Variants in KMT2E observed in about 807,000 individuals in gnomAD.
KMT2E encodes lysine methyltransferase 2E (inactive), also known as histone reader KMT2E.
A neutral mutation model predicts 184.6 loss-of-function variants in KMT2E; 30 were observed. That is an observed-to-expected ratio of 0.16 (90% CI 0.12 to 0.22). KMT2E has a LOEUF of 0.22. KMT2E is among the 10% of genes least tolerant of loss of function. KMT2E has a pLI of 1.00. For synonymous variants in KMT2E, 815 were observed against 776.5 expected (o/e 1.05, Z -0.82); for missense variants, 2,023 against 2,237.4 (o/e 0.90, Z 1.93).
chr7:105,081,369 G>C (rs1362267740), intron 12 of KMT2E, among the ~76,000 whole-genome samples: 1 of 151,898 alleles, frequency 6.6e-6, no homozygotes, highest in Non-Finnish European at 1.5e-5. Flanking sequence ...GGGCGAAAGT[G>C]TGAGACTCGT....
intron 1 of KMT2E, among the ~76,000 whole-genome samples, chr7:105,017,111 G>A (rs1384501829): frequency 2.0e-5 from 3 of 152,094 alleles, no homozygotes; most frequent in African/African-American, 7.2e-5. Context: ...TTAAAGGCTG[G>A]GTGATTAAGG....
Position 105,105,351 on chromosome 7 carries a change from A to G in KMT2E, c.2197-88A>G. On this transcript the variant is annotated intron_variant, in intron 17 of 26. Coordinates refer to ENST00000311117, the MANE Select transcript of KMT2E (RefSeq NM_182931.3). Reference sequence around the variant, plus strand: ...ATTACCCAATTTATCATTTTAGATAATACACCAATTTCAAATCTGGTATTA... The same window carrying G: ...ATTACCCAATTTATCATTTTAGATAGTACACCAATTTCAAATCTGGTATTA... 9 of 946,654 alleles carry G rather than the reference A, an allele frequency of 9.5e-6. No individual in the cohort carries two copies. In the South Asian group the frequency reaches 1.3e-4, roughly 13 times the overall value. The allele number at this position is 946,654 out of a possible 1,614,324, so 58.6% of individuals were successfully genotyped here. A position where few individuals can be genotyped will look rare whatever the true frequency, so the allele number is the denominator to read the frequency against.
intron 14 of KMT2E, 131 bp downstream of exon 14, chr7:105,090,404 T>C (rs1798153090): frequency 9.6e-7 from 1 of 1,043,198 alleles, no homozygotes; most frequent in Non-Finnish European, 1.3e-6. Context: ...AATGAAGTAT[T>C]CATAAGTGTA....
At chr7:105,039,826 T>A (rs988701455) in intron 2 of KMT2E, among the ~76,000 whole-genome samples, 1 of 152,294 alleles carries the variant, frequency 6.6e-6, no homozygotes, top group East Asian at 1.9e-4. Flanking sequence ...GTTTTCTAAT[T>A]TATAGGATTA....
chr7:105,094,461 G>C (rs1255461149), intron 15 of KMT2E, among the ~76,000 whole-genome samples: 2 of 152,086 alleles, frequency 1.3e-5, no homozygotes, highest in Non-Finnish European at 2.9e-5. Context: ...TGGAATATTT[G>C]CATTGCACTT....
Position 105,111,912 on chromosome 7 carries a change from G to A in KMT2E, c.4156G>A (p.Ala1386Thr), listed in dbSNP as rs759011440. 5.0e-6 allele frequency: 8 copies of A among 1,614,028 alleles called. No individual in the cohort carries two copies. Among genetic ancestry groups the A allele is most frequent in the East Asian group, 2.2e-5 (1 of 44,886 alleles). Residue 1386 changes from alanine to threonine, a missense_variant, in exon 27 of 27, where the codon GCA (alanine) becomes ACA (threonine). Coordinates refer to ENST00000311117, the MANE Select transcript of KMT2E (RefSeq NM_182931.3). ...TCCCCAATGGGACTCCACAGTTAGT[G>A]CATCCGAAGCTGAAAATGGTGTTCA... ...PDPQWDSTVS[A>T]SEAENGVHLK...
chr7:105,094,722 C>T (rs1306117133), intron 15 of KMT2E, among the ~76,000 whole-genome samples: 1 of 152,148 alleles, frequency 6.6e-6, no homozygotes, highest in Non-Finnish European at 1.5e-5. Flanking sequence ...TTTGCTTTCC[C>T]AGGTTTCAGT....
At position 105,109,194 on chromosome 7, in the gene KMT2E, A is replaced by G. The variant is rs1481045868; in HGVS notation, c.3721A>G (p.Thr1241Ala). The G allele has an allele frequency of 6.2e-7, 1 of 1,614,012 alleles. No individual in the cohort carries two copies. The highest frequency in any genetic ancestry group is 2.2e-5 in the East Asian group (1 of 44,834). ...CAATAACTGCCCTGTTAAGGATGCT[A>G]CTGCTAGTGAGAAGAATGAACCAGA... is the stretch of plus-strand genomic sequence containing the variant. ...TSNNCPVKDA[T>A]ASEKNEPEVQ... The change falls in exon 23 of 27, where the codon ACT becomes GCT. Residue 1241 changes from threonine (T) to alanine (A), a missense_variant. Around this residue, in one of 8 missense-constraint regions of KMT2E, gnomAD observed 1,108 missense variants for 1,050.9 expected, o/e 1.05. Transcript: ENST00000311117.
chr7:105,105,613 A>G lies in KMT2E; in HGVS notation c.2371A>G (p.Ile791Val). 1.9e-6 allele frequency: 3 copies of G among 1,613,466 alleles called. No individual in the cohort carries two copies. The highest frequency in any genetic ancestry group is 2.5e-6 in the Non-Finnish European group (3 of 1,179,550). ...PHVYSTPKHY[I>V]RFTSPFLSEK... ...TGTATACTCCACTCCTAAGCATTAT[A>G]TTAGATTTACTTCACCATTCCTTTC... Residue 791 changes from isoleucine (I) to valine (V), a missense_variant, in exon 18 of 27, where the codon ATT (isoleucine) becomes GTT (valine). Ile to Val is a conservative substitution (Grantham distance 29, BLOSUM62 3). Transcript: ENST00000311117.
At chr7:105,110,696 T>A in intron 25 of KMT2E, 75 bp from the exon 26 acceptor site, 1 of 1,581,226 alleles carries the variant, frequency 6.3e-7, no homozygotes, top group Non-Finnish European at 8.7e-7. Context: ...TAGTAGAATG[T>A]ATGTTGCTTT....
At chr7:105,039,635 T>C (rs1795800111) in intron 2 of KMT2E, among the ~76,000 whole-genome samples, 3 of 152,196 alleles carry the variant, frequency 2.0e-5, no homozygotes, top group African/African-American at 7.2e-5. Context: ...TAATAACATG[T>C]TAATAGTGGT....
chr7:105,064,479 C>T (rs919392886), intron 5 of KMT2E, among the ~76,000 whole-genome samples: 26 of 151,964 alleles, frequency 1.7e-4, no homozygotes, highest in African/African-American at 4.8e-5. Context: ...ATATTATCCC[C>T]ATCTATTAGA....
chr7:105,096,747 A>G (rs1009622519), intron 15 of KMT2E, among the ~76,000 whole-genome samples: 5 of 152,244 alleles, frequency 3.3e-5, no homozygotes, highest in African/African-American at 1.2e-4. Flanking sequence ...ATACAGGCCC[A>G]TGAATGTGAA....
intron 3 of KMT2E, among the ~76,000 whole-genome samples, chr7:105,052,725 A>AT (rs77486037): frequency 3.2e-4 from 48 of 147,908 alleles, no homozygotes; most frequent in African/African-American, 5.5e-4. Context: ...CACCCAGCTA[A>AT]TTTTTTTTTT....
At chr7:105,068,416 TC>T (rs1797133053) in intron 6 of KMT2E, among the ~76,000 whole-genome samples, 1 of 152,112 alleles carries the variant, frequency 6.6e-6, no homozygotes, top group African/African-American at 2.4e-5. Flanking sequence ...ATTCTGTTGT[TC>T]ATTACTTATC....
intron 9 of KMT2E, among the ~76,000 whole-genome samples, chr7:105,076,603 A>T (rs1200520871): frequency 6.6e-6 from 1 of 152,194 alleles, no homozygotes; most frequent in Admixed American, 6.5e-5. Flanking sequence ...TTGCTGAGAG[A>T]AGCGAGGCTC....
At chr7:105,108,107 TAAAA>T (rs964651508) in intron 22 of KMT2E, among the ~76,000 whole-genome samples, 182 bp downstream of exon 22, 28 of 152,132 alleles carry the variant, frequency 1.8e-4, no homozygotes, top group African/African-American at 6.7e-4. Context: ...TACAGAAAAG[TAAAA>T]AAATTCTAGT....
rs1325437351 is a variant in KMT2E at position 105,081,725 on chromosome 7, A to G, written c.1286A>G (p.Tyr429Cys). 6.5e-7 allele frequency: 1 copy of G among 1,531,506 alleles called. No homozygotes were observed. Among genetic ancestry groups the G allele is most frequent in the Non-Finnish European group, 8.9e-7 (1 of 1,120,594 alleles). The allele number at this position is 1,531,506 out of a possible 1,614,324, so 94.9% of individuals were successfully genotyped here. ...ATTCAAGATGGAACCATACATCTTTATATTTATTCTATACACAGTATTCCA... is the reference window on the plus strand; with the variant it reads ...ATTCAAGATGGAACCATACATCTTTGTATTTATTCTATACACAGTATTCCA... ...HEIQDGTIHL[Y>C]IYSIHSIPKG... The change falls in exon 13 of 27, where the codon TAT becomes TGT. Residue 429 changes from tyrosine (Y) to cysteine (C), a missense_variant. Transcript: ENST00000311117.
In KMT2E at chr7:105,107,211, TATA is replaced by T; in HGVS notation, c.2894_2896del (p.Tyr965_Ser966delinsCys). 1 of 1,559,186 alleles carries T rather than the reference TATA, an allele frequency of 6.4e-7. No individual in the cohort carries two copies. Among genetic ancestry groups the T allele is most frequent in the Non-Finnish European group, 8.7e-7 (1 of 1,145,732 alleles). Reference sequence around the variant, plus strand: ...TTCTCCAGAAATAAAGAGACGCACTTATAGTCAAGAGGTAAGAAGTTAACTTAA... The same window carrying T: ...TTCTCCAGAAATAAAGAGACGCACTTGTCAAGAGGTAAGAAGTTAACTTAA... On this transcript the variant is annotated inframe_deletion, in exon 21 of 27. Transcript: ENST00000311117.
Sources: allele counts gnomAD v4.1 joint callset (sites outside exome capture counted in the v4.1 genomes callset), GRCh38; gene constraint gnomAD v4.1.1; regional missense constraint gnomAD v4.1.1; transcripts MANE v1.5; gene names NCBI Gene and HGNC (gene_info 2026-07-23, HGNC 2026-07-21).